DENND1B: variants seen among roughly 807,000 people sequenced by gnomAD.
DENND1B encodes DENN domain-containing protein 1B.
A neutral mutation model predicts 90.1 loss-of-function variants in DENND1B; 59 were observed. The ratio of observed to expected loss-of-function variants is 0.65; its 90% CI spans 0.53 to 0.81. The LOEUF (loss-of-function observed/expected upper bound fraction) is 0.81. Ranked by LOEUF, DENND1B falls within the 40% of genes least tolerant of loss-of-function variation. DENND1B has a pLI of 0.00. For synonymous variants in DENND1B, 337 were observed against 324.6 expected (o/e 1.04, Z -0.41); for missense variants, 862 against 912.6 (o/e 0.94, Z 0.71).
intron 13 of DENND1B, among the ~76,000 whole-genome samples, chr1:197,601,936 C>T (rs1434368462): frequency 2.0e-5 from 3 of 151,148 alleles, no homozygotes; most frequent in Non-Finnish European, 4.4e-5. Flanking sequence ...TACCTACAAA[C>T]AAAAAAACTA....
At chr1:197,528,656 C>G in intron 20 of DENND1B, among the ~76,000 whole-genome samples, 2 of 152,070 alleles carry the variant, frequency 1.3e-5, no homozygotes, top group Middle Eastern at 3.4e-3. Flanking sequence ...ATCAGGAGAT[C>G]GAGACCATCC....
At chr1:197,619,368 G>T (rs536479410) in intron 10 of DENND1B, among the ~76,000 whole-genome samples, 3 of 151,246 alleles carry the variant, frequency 2.0e-5, no homozygotes, top group Admixed American at 6.6e-5. Context: ...CTCCTTAGTT[G>T]TAAATTAGGC....
intron 20 of DENND1B, among the ~76,000 whole-genome samples, chr1:197,523,373 G>A (rs1024839454): frequency 6.6e-6 from 1 of 152,046 alleles, no homozygotes; most frequent in African/African-American, 2.4e-5. Flanking sequence ...ACCAATCACA[G>A]ATATAAGGAA....
At chr1:197,645,820 A>C in intron 8 of DENND1B, 77 bp from the exon 9 acceptor site, 1 of 983,144 alleles carries the variant, frequency 1.0e-6, no homozygotes, top group Non-Finnish European at 1.5e-6. Context: ...AAAATCAGAA[A>C]AAAATATATT....
At chr1:197,550,829 T>A (rs1671174963) in intron 16 of DENND1B, among the ~76,000 whole-genome samples, 1 of 151,482 alleles carries the variant, frequency 6.6e-6, no homozygotes, top group African/African-American at 2.4e-5. Context: ...AGGAAGTACC[T>A]CCTTGGGTGT....
chr1:197,734,916 T>A (rs1183784261), intron 2 of DENND1B: 1 of 985,222 alleles, frequency 1.0e-6, no homozygotes, highest in African/African-American at 1.7e-5. Context: ...TTCCTACTCT[T>A]TTAATAGACA....
At chr1:197,678,289 T>C (rs192395542) in intron 3 of DENND1B, among the ~76,000 whole-genome samples, 1 of 152,318 alleles carries the variant, frequency 6.6e-6, no homozygotes, top group Non-Finnish European at 1.5e-5. Context: ...ATGTTTATAC[T>C]AAAGTTCTCA....
At chr1:197,715,522 C>A (rs1571472477) in intron 2 of DENND1B, among the ~76,000 whole-genome samples, 1 of 151,672 alleles carries the variant, frequency 6.6e-6, no homozygotes, top group Non-Finnish European at 1.5e-5. Flanking sequence ...CCTTAAATAT[C>A]CATTTAAAAT....
intron 3 of DENND1B, among the ~76,000 whole-genome samples, chr1:197,686,975 AT>A (rs767852473): frequency 3.3e-5 from 5 of 152,198 alleles, no homozygotes; most frequent in Non-Finnish European, 7.3e-5. Context: ...CTTTGCTTCA[AT>A]TTCCTATTCT....
At chr1:197,654,489 A>G (rs1572207275) in intron 6 of DENND1B, among the ~76,000 whole-genome samples, 1 of 152,210 alleles carries the variant, frequency 6.6e-6, no homozygotes, top group East Asian at 1.9e-4. Flanking sequence ...GCATGCCTGT[A>G]GTCCCATCTA....
At chr1:197,561,093 C>A (rs982097950) in intron 15 of DENND1B, among the ~76,000 whole-genome samples, 2 of 151,918 alleles carry the variant, frequency 1.3e-5, no homozygotes, top group African/African-American at 4.8e-5. Context: ...TTCCCAGCAG[C>A]ATACAAACAT....
At chr1:197,730,657 C>G (rs549448986) in intron 2 of DENND1B, among the ~76,000 whole-genome samples, 2 of 151,866 alleles carry the variant, frequency 1.3e-5, no homozygotes, top group Non-Finnish European at 2.9e-5. Context: ...TAATCTGTTA[C>G]GGTGGCTTTT....
intron 14 of DENND1B, among the ~76,000 whole-genome samples, chr1:197,592,251 GTTAC>G (rs1192511079): frequency 1.3e-5 from 2 of 151,902 alleles, no homozygotes; most frequent in Admixed American, 6.6e-5. Flanking sequence ...AAACAGTGAG[GTTAC>G]TTAAATTCTA....
At chr1:197,721,547 C>T (rs1394989674) in intron 2 of DENND1B, among the ~76,000 whole-genome samples, 3 of 151,898 alleles carry the variant, frequency 2.0e-5, no homozygotes, top group African/African-American at 7.3e-5. Context: ...ACAAGTAAGA[C>T]AAGCAAAGGA....
intron 2 of DENND1B, chr1:197,761,857 T>TAC (rs1425481806): frequency 6.6e-6 from 1 of 152,000 alleles, no homozygotes; most frequent in Non-Finnish European, 1.5e-5. Flanking sequence ...TCTTGATCTT[T>TAC]ACCAGTTCTG....
intron 20 of DENND1B, among the ~76,000 whole-genome samples, chr1:197,535,585 C>G (rs1373767754): frequency 6.6e-6 from 1 of 152,160 alleles, no homozygotes; most frequent in African/African-American, 2.4e-5. Flanking sequence ...TTTGACCACA[C>G]TAACTGTAGG....
chr1:197,713,882 A>AT (rs370961741), intron 3 of DENND1B, among the ~76,000 whole-genome samples: 6,249 of 15,718 alleles, frequency 0.4, 2,652 homozygotes, highest in East Asian at 0.52. Context: ...CTATTGTTAT[A>AT]TATAATATAT....
rs948932510 is a variant in DENND1B, at chr1:197,734,168, C to G, written c.83-19094G>C. The G allele has an allele frequency of 3.0e-5, 27 of 897,434 alleles. No homozygotes were observed. The African/African-American group carries it at 4.2e-4, about 14-fold the overall frequency. The allele number at this position is 897,434 out of a possible 1,614,324, so 55.6% of individuals were successfully genotyped here. A position where few individuals can be genotyped will look rare whatever the true frequency, so the allele number is the denominator to read the frequency against. ...CCTGAATAAGTTTTAAAATATTGAA[C>G]AGAAGAGAAACAGTAAACTAAAAAG... On this transcript the variant is annotated intron_variant, in intron 2 of 22. Transcript: ENST00000620048.
intron 14 of DENND1B, among the ~76,000 whole-genome samples, chr1:197,588,434 G>A (rs1486572956): frequency 2.0e-5 from 3 of 152,080 alleles, no homozygotes; most frequent in African/African-American, 7.2e-5. Context: ...GTATGACTTA[G>A]CAAGAGTTCA....
Sources: allele counts gnomAD v4.1 joint callset (sites outside exome capture counted in the v4.1 genomes callset), GRCh38; gene constraint gnomAD v4.1.1; transcripts MANE v1.5; gene names NCBI Gene and HGNC (gene_info 2026-07-23, HGNC 2026-07-21).